FAM161B: variants seen among roughly 807,000 people sequenced by gnomAD.
The protein encoded by FAM161B is protein FAM161B.
FAM161B carries 46 observed loss-of-function variants against 61.5 expected under a neutral mutation model. The observed-to-expected ratio is 0.75, with a 90% CI of 0.59 to 0.96. The LOEUF is 0.96. Among genes scored for constraint, FAM161B ranks in the 40% least tolerant of loss-of-function variants. The probability of loss-of-function intolerance (pLI) is 0.00; values close to 1 mark genes in which losing one functional copy is unlikely to be tolerated. For missense variants in FAM161B, 774 were observed against 800.7 expected, an observed-to-expected ratio of 0.97 and a Z score of 0.40; for synonymous variants, 284 against 302.7, an observed-to-expected ratio of 0.94 and a Z score of 0.64.
At chr14:73,947,801 C>G (rs2056079142) in intron 1 of FAM161B, among the ~76,000 whole-genome samples, 1 of 152,112 alleles carries the variant, frequency 6.6e-6, no homozygotes, top group Non-Finnish European at 1.5e-5. Context: ...CCACAGGGAA[C>G]TTAGGGTTGA....
rs1214472735 is a variant in FAM161B, at chr14:73,936,907, A to G, written c.1665+695T>C. ...GAAAGAGATCCACAGAGCCTAATGCAGTAGAAACAGAGCATCCTTACATCC... is the reference window on the plus strand; with the variant it reads ...GAAAGAGATCCACAGAGCCTAATGCGGTAGAAACAGAGCATCCTTACATCC... On this transcript the variant is annotated intron_variant, in intron 7 of 8. Transcript: ENST00000286544. 2.0e-5 allele frequency among the ~76,000 whole-genome samples: 3 copies of G among 152,230 alleles called. No homozygotes were observed. In the East Asian group the frequency reaches 5.8e-4, roughly 29 times the overall value.
At chr14:73,942,238 G>A in intron 4 of FAM161B, 131 bp downstream of exon 4, 1 of 876,856 alleles carries the variant, frequency 1.1e-6, no homozygotes, top group Non-Finnish European at 1.7e-6. Flanking sequence ...AAGTGAATCT[G>A]CTTACAACTG....
Position 73,946,347 on chromosome 14 carries a change from C to G in FAM161B, c.313G>C (p.Glu105Gln). 1 of 1,614,166 alleles carries G rather than the reference C, an allele frequency of 6.2e-7. No homozygotes were observed. The highest frequency in any genetic ancestry group is 8.5e-7 in the Non-Finnish European group (1 of 1,180,022). Residue 105 changes from glutamate to glutamine, a missense_variant, in exon 2 of 9, where the codon GAG becomes CAG. Transcript: ENST00000286544. ...ENLSEDEEDLESFFQDKDRGM... is the reference protein window; with the variant it reads ...ENLSEDEEDLQSFFQDKDRGM... Reference sequence around the variant, plus strand: ...CTGTCCTTGTCTTGGAAGAAACTCTCCAGGTCCTCCTCATCTTCAGAGAGG... The same window carrying G: ...CTGTCCTTGTCTTGGAAGAAACTCTGCAGGTCCTCCTCATCTTCAGAGAGG...
In FAM161B at chr14:73,932,676, G is replaced by A. The variant is rs906801209; in HGVS notation, c.*1580C>T. The A allele has an allele frequency of 1.4e-5, 5 of 359,428 alleles. No individual in the cohort carries two copies. Among genetic ancestry groups the A allele is most frequent in the African/African-American group, 4.3e-5 (2 of 46,684 alleles). The allele number at this position is 359,428 out of a possible 1,614,324, so 22.3% of individuals were successfully genotyped here. On this transcript the variant is annotated 3_prime_UTR_variant, in exon 9 of 9. Transcript: ENST00000286544. ...GTCTTGCTCTGTCACCCAGGCTGGA[G>A]TGCAGTAGTGTAATCATAGCTCAAT...
At chr14:73,944,909 G>A (rs764488686) in intron 2 of FAM161B, 24 bp from the exon 3 acceptor site, 3 of 1,496,076 alleles carry the variant, frequency 2.0e-6, no homozygotes, top group South Asian at 2.7e-5. Flanking sequence ...AGATCTGTGA[G>A]TGGAGGACAG....
Position 73,944,291 on chromosome 14 carries a change from G to C in FAM161B, c.925+44C>G, listed in dbSNP as rs146323117. The C allele has an allele frequency of 3.3e-6, 5 of 1,533,738 alleles. No individual in the cohort carries two copies. The Admixed American group carries it at 1.0e-4, about 31-fold the overall frequency. ...TGACTAAATCCCTATGGTGGGATTG[G>C]TTCCCCGAGGCAGGAGGCAGCAAGG... On this transcript the variant is annotated intron_variant, in intron 3 of 8. Coordinates refer to ENST00000286544, the MANE Select transcript of FAM161B (RefSeq NM_152445.3).
rs2056052841 is a variant in FAM161B at position 73,944,847 on chromosome 14, A to AG, written c.412dup (p.Leu138ProfsTer59). 1.3e-6 allele frequency: 2 copies of AG among 1,530,238 alleles called. No individual in the cohort carries two copies. The highest frequency in any genetic ancestry group is 2.3e-5 in the East Asian group (1 of 44,126). 94.8% of individuals were successfully genotyped at this position (1,530,238 alleles called of 1,614,324 possible). On this transcript the variant is annotated frameshift_variant, in exon 3 of 9. Coordinates refer to ENST00000286544, the MANE Select transcript of FAM161B (RefSeq NM_152445.3). LOFTEE classifies it high-confidence loss of function. ...CTGAGGCCTGGGAATGTTGGAGGGA[A>AG]GGTTGTTCAGGGAGCTGCAGCGCCT...
rs2056051635 is a variant in FAM161B, at chr14:73,944,753, A to T, written c.507T>A (p.Ile169=). The change falls in exon 3 of 9, where the codon ATT becomes ATA. Residue 169 remains isoleucine (I), a synonymous_variant. Transcript: ENST00000286544. The stretch of plus-strand genomic sequence containing the variant: ...TCATGCGGAATGGCCGAGGGACAGT[A>T]ATGGATGATGCCCAGGAGCTGACGC... ...HRSVSSWASS[I]TVPRPFRMTL... 2 of 1,597,056 alleles carry T rather than the reference A, an allele frequency of 1.3e-6. No homozygotes were observed. Among genetic ancestry groups the T allele is most frequent in the Admixed American group, 3.4e-5 (2 of 58,828 alleles).
At chr14:73,941,108 CTTTTT>C (rs11358501) in intron 4 of FAM161B, 55 bp from the exon 5 acceptor site, 6,069 of 947,830 alleles carry the variant, frequency 6.4e-3, no homozygotes, top group Admixed American at 8.4e-3. Flanking sequence ...TAGTTTCTAT[CTTTTT>C]TTTTTTTTTT....
chr14:73,946,265 C>CTGTGTGGAGGT (rs772053612), intron 2 of FAM161B, 21 bp downstream of exon 2: 2 of 1,600,474 alleles, frequency 1.2e-6, no homozygotes, highest in South Asian at 2.2e-5. Flanking sequence ...GTGAGGCAGC[C>CTGTGTGGAGGT]GTGGAGCTGC....
intron 6 of FAM161B, 44 bp downstream of exon 6, chr14:73,937,904 G>T: frequency 6.2e-7 from 1 of 1,610,904 alleles, no homozygotes; most frequent in South Asian, 1.1e-5. Flanking sequence ...TGGTCTGTTG[G>T]ATCCCAAGGC....
intron 8 of FAM161B, 112 bp from the exon 9 acceptor site, chr14:73,934,506 A>G: frequency 2.9e-6 from 3 of 1,027,422 alleles, no homozygotes; most frequent in Non-Finnish European, 4.1e-6. Context: ...TGCAGCCTGG[A>G]CAGCCCAGCT....
chr14:73,937,751 A>G (rs113885060), intron 6 of FAM161B, 50 bp from the exon 7 acceptor site: 92,650 of 1,592,732 alleles, frequency 0.058, 3,232 homozygotes, highest in Non-Finnish European at 0.069. Flanking sequence ...CTAATCCAGA[A>G]TACCCTTCAT....
downstream of FAM161B, chr14:73,932,197 C>T (rs1212716652): frequency 3.0e-6 from 1 of 337,596 alleles, no homozygotes. Context: ...AGAGGGATTT[C>T]ATGTTTTTGT....
At chr14:73,931,544 G>C (rs764596685), downstream of FAM161B, 1 of 1,609,706 alleles carries the variant, frequency 6.2e-7, no homozygotes, top group Admixed American at 1.7e-5. Context: ...GGACATGAGC[G>C]TGGGTGCTGA....
chr14:73,949,951 G>T, intron 1 of FAM161B, 22 bp downstream of exon 1: 1 of 1,612,642 alleles, frequency 6.2e-7, no homozygotes. Context: ...TTTCCCGGGG[G>T]CAGTCTCTTT....
chr14:73,931,395 C>T, downstream of FAM161B: 1 of 922,686 alleles, frequency 1.1e-6, no homozygotes, highest in Non-Finnish European at 1.7e-6. Flanking sequence ...CCTTCATTCA[C>T]CCCTGTAGTG....
chr14:73,925,279 TCTC>T, the FAM161B span, among the ~76,000 whole-genome samples: 2 of 152,206 alleles, frequency 1.3e-5, no homozygotes, highest in Non-Finnish European at 2.9e-5. Flanking sequence ...CCTTCCTCTT[TCTC>T]CTCCATTTTT....
chr14:73,936,161 T>C, intron 7 of FAM161B, 73 bp from the exon 8 acceptor site: 1 of 1,465,046 alleles, frequency 6.8e-7, no homozygotes, highest in Non-Finnish European at 9.1e-7. Context: ...TTAATCAGTA[T>C]TGTTACAATA....
Sources: allele counts gnomAD v4.1 joint callset (sites outside exome capture counted in the v4.1 genomes callset), GRCh38; gene constraint gnomAD v4.1.1; transcripts MANE v1.5; gene names NCBI Gene and HGNC (gene_info 2026-07-23, HGNC 2026-07-21).